The following ITGA4 variants were observed in gnomAD, a reference collection of about 807,000 sequenced individuals.
ITGA4 encodes integrin alpha-4.
Under a neutral mutation model 133.6 loss-of-function variants are expected in ITGA4, and 63 were observed. The ratio of observed to expected loss-of-function variants is 0.47; its 90% CI spans 0.38 to 0.58. ITGA4 has a LOEUF of 0.58. Ranked by LOEUF, ITGA4 falls within the 20% of genes least tolerant of loss-of-function variation. The pLI is 0.00. For synonymous variants in ITGA4, 483 were observed against 438.0 expected, an observed-to-expected ratio of 1.10 and a Z score of -1.28; for missense variants, 1,076 against 1,252.7, an observed-to-expected ratio of 0.86 and a Z score of 2.13.
At chr2:181,462,409 C>T (rs140706313) in intron 2 of ITGA4, among the ~76,000 whole-genome samples, 141 of 152,240 alleles carry the variant, frequency 9.3e-4, no homozygotes, top group African/African-American at 3.2e-3. Context: ...CATTATTAAA[C>T]TAATGATTAC....
At chr2:181,531,915 G>A (rs1686953499) in intron 25 of ITGA4, 139 bp downstream of exon 25, 1 of 532,944 alleles carries the variant, frequency 1.9e-6, no homozygotes, top group Non-Finnish European at 3.2e-6. Flanking sequence ...CTCTAAAACT[G>A]TATTTCTATC....
intron 15 of ITGA4, among the ~76,000 whole-genome samples, chr2:181,500,148 C>T (rs1686239400): frequency 6.6e-6 from 1 of 152,146 alleles, no homozygotes; most frequent in Non-Finnish European, 1.5e-5. Context: ...TTGTACATGG[C>T]AGGGACTTTT....
Position 181,495,710 on chromosome 2 carries a change from AAAAC to A in ITGA4, c.1386-68_1386-65del. On this transcript the variant is annotated intron_variant, in intron 13 of 27. Transcript: ENST00000397033. This position sits in a 1 kb window ranked among gnomAD's most constrained non-coding sequence, Gnocchi z 4.3. ...AATTACTTGGTGAATGTAAACTGAA[AAAAC>A]AAACGCATTTCTCTCCTTAAGGAAA... is the stretch of plus-strand genomic sequence containing the variant. 2.9e-6 allele frequency: 4 copies of A among 1,368,200 alleles called. No individual in the cohort carries two copies. Among genetic ancestry groups the A allele is most frequent in the Non-Finnish European group, 4.1e-6 (4 of 984,504 alleles). 84.8% of individuals were successfully genotyped at this position (1,368,200 alleles called of 1,614,324 possible).
Position 181,457,472 on chromosome 2 carries a change from G to C in ITGA4, c.-183G>C, listed in dbSNP as rs201036282. 240 of 595,050 alleles carry C rather than the reference G, an allele frequency of 4.0e-4. No individual in the cohort carries two copies. Among genetic ancestry groups the C allele is most frequent in the Non-Finnish European group, 4.8e-4 (168 of 350,024 alleles). 36.9% of individuals were successfully genotyped at this position (595,050 alleles called of 1,614,324 possible). ...AGTGCGCGGCATCCCAGGCCGGCCC[G>C]AACGCTCCGCCCGCGGTGGGCCGAC... On this transcript the variant is annotated 5_prime_UTR_variant, in exon 1 of 28. Transcript: ENST00000397033.
At chr2:181,478,621 C>T in intron 4 of ITGA4, 136 bp from the exon 5 acceptor site, 1 of 426,186 alleles carries the variant, frequency 2.3e-6, no homozygotes, top group Admixed American at 4.2e-5. Flanking sequence ...TTTGTTATAT[C>T]AAGGTTACTG....
intron 2 of ITGA4, 103 bp downstream of exon 2, chr2:181,458,420 G>C: frequency 7.2e-7 from 1 of 1,397,384 alleles, no homozygotes; most frequent in Non-Finnish European, 9.9e-7. Context: ...GTTACTTCTG[G>C]TTTAAAGAGC....
chr2:181,483,920 C>G (rs1685859405), intron 9 of ITGA4, among the ~76,000 whole-genome samples: 1 of 152,134 alleles, frequency 6.6e-6, no homozygotes, highest in Non-Finnish European at 1.5e-5. Flanking sequence ...ACAGATAAAC[C>G]CTTCTACCCA....
intron 2 of ITGA4, among the ~76,000 whole-genome samples, chr2:181,467,385 A>G (rs1685444558): frequency 6.6e-6 from 1 of 152,176 alleles, no homozygotes; most frequent in Non-Finnish European, 1.5e-5. Flanking sequence ...TTGGTGGGGA[A>G]GTGACAGTAC....
chr2:181,498,222 A>T (rs1378503441), intron 14 of ITGA4: 2 of 152,640 alleles, frequency 1.3e-5, no homozygotes, highest in Non-Finnish European at 2.9e-5. Flanking sequence ...CATAAGATAG[A>T]ATTATTCCAA....
At chr2:181,470,272 AAAT>A (rs949204031) in intron 2 of ITGA4, among the ~76,000 whole-genome samples, 6 of 152,122 alleles carry the variant, frequency 3.9e-5, no homozygotes, top group Admixed American at 2.0e-4. Context: ...AGAGGAAAAA[AAAT>A]ATGAGATTTT....
chr2:181,504,020 A>C (rs960717097), intron 15 of ITGA4, among the ~76,000 whole-genome samples: 8 of 152,038 alleles, frequency 5.3e-5, no homozygotes, highest in Non-Finnish European at 1.0e-4. Context: ...CTCTTGGTTG[A>C]ACTTGATGGA....
At position 181,537,765 on chromosome 2, in the gene ITGA4, T is replaced by TATTGTGTGTCCAATAAACACATTGTA. The variant is rs1398613302; in HGVS notation, c.*2239_*2240insTTGTGTGTCCAATAAACACATTGTAA. The TATTGTGTGTCCAATAAACACATTGTA allele has an allele frequency of 4.4e-6, 2 of 449,780 alleles. No homozygotes were observed. Among genetic ancestry groups the TATTGTGTGTCCAATAAACACATTGTA allele is most frequent in the South Asian group, 3.2e-5 (2 of 62,682 alleles). 27.9% of individuals were successfully genotyped at this position (449,780 alleles called of 1,614,324 possible). On this transcript the variant is annotated 3_prime_UTR_variant, in exon 28 of 28. Transcript: ENST00000397033. ...AAAAAAAAGAATTTGAATTGATATCTAAAAACAGAATTTGAATTGATATTT... is the reference window on the plus strand; with the variant it reads ...AAAAAAAAGAATTTGAATTGATATCTATTGTGTGTCCAATAAACACATTGTAAAAAACAGAATTTGAATTGATATTT...
At chr2:181,508,477 C>T (rs989818216) in intron 15 of ITGA4, among the ~76,000 whole-genome samples, 1 of 151,990 alleles carries the variant, frequency 6.6e-6, no homozygotes, top group Non-Finnish European at 1.5e-5. Context: ...GGGTGGATCA[C>T]TTGAGGTCAG....
rs745685196 is a variant in ITGA4, at chr2:181,485,857, C to T, written c.1042-24C>T. The T allele has an allele frequency of 1.2e-5, 19 of 1,561,948 alleles. No individual in the cohort carries two copies. In the Admixed American group the frequency reaches 2.2e-4, roughly 18 times the overall value. On this transcript the variant is annotated intron_variant, in intron 9 of 27. Transcript: ENST00000397033. The stretch of plus-strand genomic sequence containing the variant: ...GTTGTCAGGGAGTGTTATAATGACA[C>T]GTTTTCTCTCCCTTTCTATCTAGGG...
At chr2:181,527,441 A>G in intron 22 of ITGA4, 54 bp downstream of exon 22, 1 of 1,186,760 alleles carries the variant, frequency 8.4e-7, no homozygotes, top group Non-Finnish European at 1.3e-6. Context: ...GATGTCACTG[A>G]TGCATTGCTC....
intron 15 of ITGA4, among the ~76,000 whole-genome samples, chr2:181,500,516 C>T (rs886710056): frequency 2.0e-5 from 3 of 152,116 alleles, no homozygotes; most frequent in Non-Finnish European, 4.4e-5. Context: ...AGACGCATAG[C>T]GGTTGGGATG....
intron 7 of ITGA4, 71 bp from the exon 8 acceptor site, chr2:181,482,289 C>G (rs1472220492): frequency 2.7e-5 from 38 of 1,402,306 alleles, no homozygotes; most frequent in Non-Finnish European, 3.5e-5. Context: ...ATGTTTTGAT[C>G]AAACAGAAAG....
intron 5 of ITGA4, 37 bp downstream of exon 5, chr2:181,478,861 A>G: frequency 9.5e-7 from 1 of 1,051,876 alleles, no homozygotes; most frequent in Non-Finnish European, 1.3e-6. Context: ...AAATGTTTAC[A>G]TATAGAATCT....
intron 4 of ITGA4, among the ~76,000 whole-genome samples, chr2:181,477,428 GC>G (rs1247062831): frequency 6.6e-6 from 1 of 152,090 alleles, no homozygotes; most frequent in Non-Finnish European, 1.5e-5. Context: ...GAGACAGTCT[GC>G]AGAATGGGAA....
Sources: allele counts gnomAD v4.1 joint callset (sites outside exome capture counted in the v4.1 genomes callset), GRCh38; gene constraint gnomAD v4.1.1; non-coding constraint Gnocchi (gnomAD v3.1); transcripts MANE v1.5; gene names NCBI Gene and HGNC (gene_info 2026-07-23, HGNC 2026-07-21).